Variants in PRPF18 observed in about 807,000 individuals in gnomAD.
The protein encoded by PRPF18 is pre-mRNA-splicing factor 18.
In PRPF18, 38 loss-of-function variants were observed where a neutral mutation model predicts 46.5. The observed-to-expected ratio is 0.82, with a 90% CI of 0.63 to 1.07. PRPF18 has a LOEUF of 1.07. Ranked by LOEUF, PRPF18 falls within the 50% of genes least tolerant of loss-of-function variation. The pLI is 0.00. For synonymous variants in PRPF18, 152 were observed against 146.7 expected (o/e 1.04, Z -0.26); for missense variants, 263 against 410.0 (o/e 0.64, Z 3.10).
chr10:13,630,380 G>T lies in PRPF18; in HGVS notation c.*40G>T. 6.6e-7 allele frequency: 1 copy of T among 1,506,248 alleles called. No individual in the cohort carries two copies. The highest frequency in any genetic ancestry group is 1.2e-5 in the South Asian group (1 of 85,258). 93.3% of individuals were successfully genotyped at this position (1,506,248 alleles called of 1,614,324 possible). A position where few individuals can be genotyped will look rare whatever the true frequency, so the allele number is the denominator to read the frequency against. On this transcript the variant is annotated 3_prime_UTR_variant, in exon 10 of 10. Coordinates refer to ENST00000378572, the MANE Select transcript of PRPF18 (RefSeq NM_003675.4). ...GTGTTAATAACAATAAGAAACTTAG[G>T]GAAGCAGGCTGTGGACTTCTGGAAT...
At chr10:13,639,320 T>C in the PRPF18 span, 1 of 152,222 alleles carries the variant, frequency 6.6e-6, no homozygotes, top group Non-Finnish European at 1.5e-5. Flanking sequence ...TCTTGTGTTC[T>C]CTCCAAATCT....
the PRPF18 span, chr10:13,643,663 C>T: frequency 0.032 from 4,914 of 152,734 alleles, 229 homozygotes; most frequent in African/African-American, 0.092. Flanking sequence ...AAGCATTTAT[C>T]GCTGACAGAC....
Position 13,611,666 on chromosome 10 carries a change from A to G in PRPF18, c.562A>G (p.Ile188Val). 6.2e-7 allele frequency: 1 copy of G among 1,613,960 alleles called. No individual in the cohort carries two copies. The highest frequency in any genetic ancestry group is 1.1e-5 in the South Asian group (1 of 91,074). The change falls in exon 6 of 10, where the codon ATC becomes GTC. Residue 188 changes from isoleucine (I) to valine (V), a missense_variant. Ile to Val is a conservative substitution (Grantham distance 29). Around this residue, in one of 4 missense-constraint regions of PRPF18, gnomAD observed 155 missense variants for 245.1 expected, o/e 0.63. Transcript: ENST00000378572. ...KGDDHKDMDI[I>V]TKFLKFLLGV... ...CGATGATCATAAAGACATGGACATC[A>G]TCACCAAATTCCTGAAGGTGCGTGT...
At chr10:13,654,430 T>C in the PRPF18 span, 1 of 1,608,084 alleles carries the variant, frequency 6.2e-7, no homozygotes, top group Non-Finnish European at 8.5e-7. Flanking sequence ...TCTGCCAGGT[T>C]AGGATGTGGT....
chr10:13,629,442 T>C (rs2080560285), intron 9 of PRPF18, among the ~76,000 whole-genome samples: 2 of 152,236 alleles, frequency 1.3e-5, no homozygotes, highest in South Asian at 2.1e-4. Flanking sequence ...AATGAATGTC[T>C]AAAAGCCTTA....
chr10:13,614,102 G>T lies in PRPF18; in HGVS notation c.792+16G>T. 1 of 1,534,492 alleles carries T rather than the reference G, an allele frequency of 6.5e-7. No homozygotes were observed. The highest frequency in any genetic ancestry group is 8.9e-7 in the Non-Finnish European group (1 of 1,127,404). On this transcript the variant is annotated intron_variant, in intron 8 of 9. Transcript: ENST00000378572. ...ATACGTGAAGGTACATTCCCATGCT[G>T]TTCTTTGAAATTGTTAAGAGTATAT...
intron 4 of PRPF18, among the ~76,000 whole-genome samples, chr10:13,606,759 CAG>C (rs2080192280): frequency 1.0e-5 from 1 of 97,492 alleles, no homozygotes; most frequent in Non-Finnish European, 2.2e-5. Context: ...AAAAAAAAAA[CAG>C]GGATAAAACT....
the PRPF18 span, chr10:13,642,502 T>C: frequency 6.6e-6 from 1 of 152,226 alleles, no homozygotes; most frequent in Non-Finnish European, 1.5e-5. Context: ...CTTTGTGTTC[T>C]CTAATAATTA....
intron 4 of PRPF18, among the ~76,000 whole-genome samples, chr10:13,606,649 C>G (rs1214252731): frequency 2.9e-5 from 4 of 138,528 alleles, no homozygotes; most frequent in Non-Finnish European, 6.1e-5. Flanking sequence ...GCAAGAGAAT[C>G]ACTTGAATCC....
At chr10:13,620,664 T>C (rs1036401235) in intron 9 of PRPF18, among the ~76,000 whole-genome samples, 7 of 152,272 alleles carry the variant, frequency 4.6e-5, no homozygotes, top group Admixed American at 4.6e-4. Flanking sequence ...TTGAGCATCA[T>C]GTAAATGGAA....
At chr10:13,598,744 A>G (rs1163086715) in intron 2 of PRPF18, among the ~76,000 whole-genome samples, 1 of 152,152 alleles carries the variant, frequency 6.6e-6, no homozygotes, top group African/African-American at 2.4e-5. Context: ...AGGAACTCTC[A>G]TTTTTGCCTT....
chr10:13,653,050 A>G, the PRPF18 span: 1 of 151,448 alleles, frequency 6.6e-6, no homozygotes, highest in Non-Finnish European at 1.5e-5. Context: ...ATGAAACGAA[A>G]ACATCTGGGT....
the PRPF18 span, chr10:13,651,877 T>C: frequency 8.3e-7 from 1 of 1,199,800 alleles, no homozygotes; most frequent in Admixed American, 1.7e-5. Context: ...TCATGGGCAG[T>C]AGGAACAAAA....
At chr10:13,644,484 T>C in the PRPF18 span, 1 of 152,226 alleles carries the variant, frequency 6.6e-6, no homozygotes, top group African/African-American at 2.4e-5. Flanking sequence ...CAGACTATCA[T>C]GATGTTTGTT....
intron 9 of PRPF18, among the ~76,000 whole-genome samples, chr10:13,624,929 T>G (rs755022472): frequency 3.3e-5 from 5 of 152,168 alleles, no homozygotes; most frequent in Non-Finnish European, 7.4e-5. Flanking sequence ...TCATCAGACA[T>G]TTGGAGAAAG....
At chr10:13,596,219 T>C (rs1017812948) in intron 1 of PRPF18, among the ~76,000 whole-genome samples, 18 of 152,238 alleles carry the variant, frequency 1.2e-4, no homozygotes, top group African/African-American at 4.1e-4. Flanking sequence ...GTAAAATGTC[T>C]TTGATTTGTG....
At chr10:13,620,022 T>A (rs545276045) in intron 9 of PRPF18, among the ~76,000 whole-genome samples, 2 of 152,058 alleles carry the variant, frequency 1.3e-5, no homozygotes, top group Non-Finnish European at 2.9e-5. Flanking sequence ...TTGGTTACAA[T>A]TTACTGATTG....
At chr10:13,654,605 G>C in the PRPF18 span, 2 of 754,274 alleles carry the variant, frequency 2.7e-6, no homozygotes, top group Non-Finnish European at 4.6e-6. Flanking sequence ...CCAACCCAGT[G>C]GCCAGAGGTC....
At chr10:13,654,622 T>G in the PRPF18 span, 30 of 684,628 alleles carry the variant, frequency 4.4e-5, 1 homozygote, top group Admixed American at 6.3e-4. Context: ...GGTCACCATT[T>G]CCAGGGATGC....
Sources: gnomAD v4.1 joint callset for allele counts (sites outside exome capture counted in the v4.1 genomes callset) on GRCh38, gnomAD v4.1.1 for gene constraint, gnomAD v4.1.1 regional missense constraint, MANE v1.5 for transcripts, NCBI Gene and HGNC (gene_info 2026-07-23, HGNC 2026-07-21) for gene names.